Variants in TRPC7 observed in about 807,000 individuals in gnomAD.
TRPC7 encodes transient receptor potential cation channel subfamily C member 7, also known as short transient receptor potential channel 7.
TRPC7 carries 42 observed loss-of-function variants against 90.1 expected under a neutral mutation model. The ratio of observed to expected loss-of-function variants is 0.47; its 90% CI spans 0.36 to 0.60. The LOEUF is 0.60. Ranked by LOEUF, TRPC7 falls within the 20% of genes least tolerant of loss-of-function variation. The pLI is 0.00. For synonymous variants in TRPC7, 451 were observed against 436.3 expected (o/e 1.03, Z -0.42); for missense variants, 955 against 1,112.3 (o/e 0.86, Z 2.01).
At chr5:136,354,243 T>C (rs943456241) in intron 2 of TRPC7, among the ~76,000 whole-genome samples, 1 of 152,102 alleles carries the variant, frequency 6.6e-6, no homozygotes, top group Non-Finnish European at 1.5e-5. Context: ...TGTTGGTAGG[T>C]AAGGTTTACT....
At chr5:136,288,030 A>G (rs554217389) in intron 3 of TRPC7, among the ~76,000 whole-genome samples, 39 of 152,338 alleles carry the variant, frequency 2.6e-4, no homozygotes, top group African/African-American at 8.2e-4. Context: ...ATGATGTGCC[A>G]GACATTGTTC....
chr5:136,294,920 A>C (rs1758108840), intron 3 of TRPC7, among the ~76,000 whole-genome samples: 1 of 152,382 alleles, frequency 6.6e-6, no homozygotes, highest in Middle Eastern at 3.4e-3. Context: ...CTGGATTAAG[A>C]AAATGTGGCA....
intron 8 of TRPC7, among the ~76,000 whole-genome samples, chr5:136,228,664 G>T (rs80140016): frequency 0.015 from 2,344 of 152,104 alleles, 39 homozygotes; most frequent in South Asian, 0.024. Flanking sequence ...GGCAGGTGCA[G>T]GTGAGTTGTG....
chr5:136,256,426 C>T (rs1217742027), intron 5 of TRPC7, among the ~76,000 whole-genome samples: 1 of 152,074 alleles, frequency 6.6e-6, no homozygotes, highest in Admixed American at 6.5e-5. Flanking sequence ...AAGCTGAATT[C>T]CCCCCATAGA....
At chr5:136,218,097 A>G (rs1306748580) in intron 10 of TRPC7, among the ~76,000 whole-genome samples, 1 of 146,324 alleles carries the variant, frequency 6.8e-6, no homozygotes, top group African/African-American at 2.5e-5. Context: ...TATGAGATAT[A>G]TAATATATAT....
intron 2 of TRPC7, among the ~76,000 whole-genome samples, chr5:136,355,490 A>G (rs1033182449): frequency 6.6e-6 from 1 of 152,236 alleles, no homozygotes; most frequent in Non-Finnish European, 1.5e-5. Context: ...TAGGCACACA[A>G]TAAGTGCCCA....
intron 2 of TRPC7, among the ~76,000 whole-genome samples, chr5:136,317,198 A>G (rs891392409): frequency 2.0e-5 from 3 of 152,152 alleles, no homozygotes; most frequent in African/African-American, 7.2e-5. Flanking sequence ...CAGGCGTGTA[A>G]GAAACTTTTG....
intron 3 of TRPC7, among the ~76,000 whole-genome samples, chr5:136,276,311 G>A (rs893651050): frequency 6.6e-6 from 1 of 152,202 alleles, no homozygotes; most frequent in Non-Finnish European, 1.5e-5. Flanking sequence ...CTATGGACTA[G>A]AGAAGATAGA....
At chr5:136,341,337 T>C (rs555651744) in intron 2 of TRPC7, among the ~76,000 whole-genome samples, 2 of 152,272 alleles carry the variant, frequency 1.3e-5, no homozygotes, top group African/African-American at 4.8e-5. Flanking sequence ...GACAGATATT[T>C]CTGCCAGATT....
intron 7 of TRPC7, among the ~76,000 whole-genome samples, chr5:136,234,790 A>G (rs1300479185): frequency 6.6e-6 from 1 of 152,186 alleles, no homozygotes; most frequent in Non-Finnish European, 1.5e-5. Flanking sequence ...TTGTACCCAC[A>G]TGTTCTTGTC....
At chr5:136,289,170 TA>T in intron 3 of TRPC7, among the ~76,000 whole-genome samples, 1 of 151,982 alleles carries the variant, frequency 6.6e-6, no homozygotes, top group Non-Finnish European at 1.5e-5. Flanking sequence ...AAACAAGTAT[TA>T]GGGGGTGGAG....
intron 2 of TRPC7, among the ~76,000 whole-genome samples, chr5:136,328,318 T>C (rs1195430665): frequency 6.6e-6 from 1 of 152,200 alleles, no homozygotes; most frequent in Non-Finnish European, 1.5e-5. Flanking sequence ...ACTCCAGCTC[T>C]GCCACTGGTT....
intron 6 of TRPC7, among the ~76,000 whole-genome samples, chr5:136,248,533 A>T (rs1756417536): frequency 6.6e-6 from 1 of 152,206 alleles, no homozygotes; most frequent in Non-Finnish European, 1.5e-5. Context: ...GCCTGAAAAA[A>T]TACTCTTGGG....
chr5:136,287,402 A>G (rs929053954), intron 3 of TRPC7, among the ~76,000 whole-genome samples: 59 of 151,646 alleles, frequency 3.9e-4, no homozygotes, highest in African/African-American at 2.7e-4. Context: ...AGGAAAGGGG[A>G]GTGGGGTTTG....
At chr5:136,245,870 A>G (rs1204295816) in intron 7 of TRPC7, among the ~76,000 whole-genome samples, 1 of 152,202 alleles carries the variant, frequency 6.6e-6, no homozygotes, top group Non-Finnish European at 1.5e-5. Context: ...ACGAGGACAC[A>G]GAGGCTCAGA....
intron 3 of TRPC7, among the ~76,000 whole-genome samples, chr5:136,294,062 T>C (rs2149826519): frequency 6.6e-6 from 1 of 152,276 alleles, no homozygotes; most frequent in South Asian, 2.1e-4. Flanking sequence ...ATTTAATAAA[T>C]GGTGCTGGGA....
At chr5:136,351,542 G>A (rs1033193637) in intron 2 of TRPC7, among the ~76,000 whole-genome samples, 14 of 152,190 alleles carry the variant, frequency 9.2e-5, no homozygotes, top group African/African-American at 2.7e-4. Flanking sequence ...CTTATTCAGC[G>A]GCAGCCCAGG....
chr5:136,226,502 G>A (rs568492362), intron 8 of TRPC7: 7 of 510,450 alleles, frequency 1.4e-5, no homozygotes, highest in Admixed American at 3.7e-5. Context: ...CATATTAACC[G>A]CCCCTACCCT....
intron 11 of TRPC7, 45 bp downstream of exon 11, chr5:136,216,155 T>G (rs1329214831): frequency 1.3e-6 from 2 of 1,516,058 alleles, no homozygotes; most frequent in South Asian, 2.3e-5. Context: ...CCACAGAACC[T>G]GTGTTGTTTT....
Sources: gnomAD v4.1 joint callset for allele counts (sites outside exome capture counted in the v4.1 genomes callset) on GRCh38, gnomAD v4.1.1 for gene constraint, MANE v1.5 for transcripts, NCBI Gene and HGNC (gene_info 2026-07-23, HGNC 2026-07-21) for gene names.